Variants in VPS54 observed in about 807,000 individuals in gnomAD.
The protein encoded by VPS54 is vacuolar protein sorting-associated protein 54.
A neutral mutation model predicts 121.5 loss-of-function variants in VPS54; 45 were observed. The ratio of observed to expected loss-of-function variants is 0.37; its 90% CI spans 0.29 to 0.47. The LOEUF is 0.47. Ranked by LOEUF, VPS54 falls within the 20% of genes least tolerant of loss-of-function variation. VPS54 has a pLI of 0.99. For synonymous variants in VPS54, 371 were observed against 385.8 expected (o/e 0.96, Z 0.45); for missense variants, 1,090 against 1,131.4 (o/e 0.96, Z 0.52).
chr2:63,993,309 G>A (rs1220588602), intron 1 of VPS54, among the ~76,000 whole-genome samples: 1 of 152,152 alleles, frequency 6.6e-6, no homozygotes, highest in African/African-American at 2.4e-5. Context: ...TTTCTATGCT[G>A]CGGGGAGATT....
chr2:63,900,668 C>A (rs1672641012), intron 20 of VPS54, among the ~76,000 whole-genome samples: 1 of 152,164 alleles, frequency 6.6e-6, no homozygotes, highest in Non-Finnish European at 1.5e-5. Context: ...CCGAGCTGCC[C>A]ACCTGAGGTG....
At position 63,921,199 on chromosome 2, in the gene VPS54, T is replaced by C. The variant is rs907775359; in HGVS notation, c.1869+7A>G. ...TAAAATATATAAAGCTTTATGAAAA[T>C]AGCTACCTTTGCTCTTGACATGAGA... On this transcript the variant is annotated splice_region_variant and intron_variant, in intron 13 of 22. Coordinates refer to ENST00000272322, the MANE Select transcript of VPS54 (RefSeq NM_016516.3). 8.7e-6 allele frequency: 14 copies of C among 1,602,086 alleles called. No homozygotes were observed. In the Middle Eastern group the frequency reaches 9.0e-4, roughly 103 times the overall value.
At position 63,949,067 on chromosome 2, in the gene VPS54, T is replaced by C; in HGVS notation, c.1107A>G (p.Pro369=). ...STYSHSDLNR[P]LEDDCQVLEE... The stretch of plus-strand genomic sequence containing the variant: ...CTAAAACTTGACAGTCATCTTCCAG[T>C]GGTCTATTTAAGTCACTGTGAGAAT... The change falls in exon 8 of 23, where the codon CCA becomes CCG. Residue 369 remains proline, a synonymous_variant. Coordinates refer to ENST00000272322, the MANE Select transcript of VPS54 (RefSeq NM_016516.3). 6.2e-7 allele frequency: 1 copy of C among 1,611,320 alleles called. No individual in the cohort carries two copies.
At chr2:63,908,154 T>C (rs922818120) in intron 20 of VPS54, among the ~76,000 whole-genome samples, 1 of 152,104 alleles carries the variant, frequency 6.6e-6, no homozygotes, top group Non-Finnish European at 1.5e-5. Flanking sequence ...AGCCAAAAAC[T>C]GGAGAAAATT....
chr2:63,948,738 G>A (rs1041178345), intron 8 of VPS54, among the ~76,000 whole-genome samples: 8 of 152,082 alleles, frequency 5.3e-5, no homozygotes, highest in Middle Eastern at 3.4e-3. Flanking sequence ...TCCAGCACTC[G>A]CACACATAAA....
chr2:63,919,617 C>T (rs1263018228), intron 15 of VPS54, among the ~76,000 whole-genome samples: 1 of 152,162 alleles, frequency 6.6e-6, no homozygotes, highest in Non-Finnish European at 1.5e-5. Flanking sequence ...AACAATAGTA[C>T]CTGTATCACA....
Position 63,972,153 on chromosome 2 carries a change from C to T in VPS54, c.457+13G>A. 2 of 1,500,162 alleles carry T rather than the reference C, an allele frequency of 1.3e-6. No homozygotes were observed. The highest frequency in any genetic ancestry group is 9.1e-7 in the Non-Finnish European group (1 of 1,099,092). 92.9% of individuals were successfully genotyped at this position (1,500,162 alleles called of 1,614,324 possible). A position where few individuals can be genotyped will look rare whatever the true frequency, so the allele number is the denominator to read the frequency against. On this transcript the variant is annotated intron_variant, in intron 4 of 22. Coordinates refer to ENST00000272322, the MANE Select transcript of VPS54 (RefSeq NM_016516.3). Reference sequence around the variant, plus strand: ...GCTATGCTTTATTATCTATAAATAACACATATTCATACCATGAGTATGTAA... The same window carrying T: ...GCTATGCTTTATTATCTATAAATAATACATATTCATACCATGAGTATGTAA...
At position 64,019,050 on chromosome 2, in the gene VPS54, G is replaced by GACGGGC. The variant is rs1678853596; in HGVS notation, c.-134_-133insGCCCGT. On this transcript the variant is annotated 5_prime_UTR_variant, in exon 1 of 23. Transcript: ENST00000272322. ...CACGGCCGCCGCCGCCCGGCGCCCG[G>GACGGGC]CCGGGCCCGAGCCCGGGTTCCCGCC... 1 of 149,696 alleles carries GACGGGC rather than the reference G, an allele frequency of 6.7e-6. No individual in the cohort carries two copies. The highest frequency in any genetic ancestry group is 1.5e-5 in the Non-Finnish European group (1 of 67,218). 9.3% of individuals were successfully genotyped at this position (149,696 alleles called of 1,614,324 possible). A position where few individuals can be genotyped will look rare whatever the true frequency, so the allele number is the denominator to read the frequency against.
At chr2:64,003,478 T>C (rs1677978925) in intron 1 of VPS54, among the ~76,000 whole-genome samples, 1 of 152,208 alleles carries the variant, frequency 6.6e-6, no homozygotes, top group South Asian at 2.1e-4. Flanking sequence ...TTGCTTTTCA[T>C]ACAGTTCTTC....
At chr2:63,951,147 A>G (rs1268009433) in intron 7 of VPS54, among the ~76,000 whole-genome samples, 1 of 152,148 alleles carries the variant, frequency 6.6e-6, no homozygotes, top group Non-Finnish European at 1.5e-5. Flanking sequence ...AGGTACTTGC[A>G]AAAAGAAAAG....
At chr2:63,920,019 A>G in intron 14 of VPS54, 24 bp from the exon 15 acceptor site, 1 of 1,580,362 alleles carries the variant, frequency 6.3e-7, no homozygotes, top group African/African-American at 1.4e-5. Flanking sequence ...AGGAGAAAAG[A>G]AGGTAAACTT....
intron 1 of VPS54, among the ~76,000 whole-genome samples, chr2:63,991,456 T>C (rs1435653630): frequency 6.6e-6 from 1 of 152,186 alleles, no homozygotes; most frequent in Non-Finnish European, 1.5e-5. Flanking sequence ...ACAAAGCTAT[T>C]CTGTGGGCAC....
intron 6 of VPS54, among the ~76,000 whole-genome samples, chr2:63,964,481 TTC>T (rs1675900286): frequency 6.6e-6 from 1 of 152,208 alleles, no homozygotes; most frequent in Non-Finnish European, 1.5e-5. Flanking sequence ...TTTGCTGTTT[TTC>T]TCTTTTTAAG....
intron 7 of VPS54, among the ~76,000 whole-genome samples, chr2:63,960,311 CA>C (rs1675698303): frequency 1.3e-5 from 2 of 151,930 alleles, no homozygotes; most frequent in Non-Finnish European, 1.5e-5. Context: ...AAGGTACAAA[CA>C]AAAAAAGTAA....
chr2:63,993,636 G>A (rs141047606), intron 1 of VPS54, among the ~76,000 whole-genome samples: 56 of 152,238 alleles, frequency 3.7e-4, no homozygotes, highest in South Asian at 1.2e-3. Context: ...CCTTTAAATC[G>A]GCTCGAAGTT....
chr2:63,989,959 G>A (rs188587858), intron 1 of VPS54, among the ~76,000 whole-genome samples: 1,873 of 152,318 alleles, frequency 0.012, 17 homozygotes, highest in Non-Finnish European at 0.015. Flanking sequence ...TTCCTGAAAA[G>A]GGAACCATAT....
At position 63,919,889 on chromosome 2, in the gene VPS54, A is replaced by AT. The variant is rs778598752; in HGVS notation, c.2157dup (p.Ser720IlefsTer11). On this transcript the variant is annotated frameshift_variant, in exon 15 of 23. Transcript: ENST00000272322. LOFTEE classifies it high-confidence loss of function. ...TGTGAATGAATACACATACCTCCTG[A>AT]TTTTTTTTCAGGTAAAGCAATCTTC... 1.1e-5 allele frequency: 17 copies of AT among 1,607,644 alleles called. No homozygotes were observed. The highest frequency in any genetic ancestry group is 3.4e-5 in the Admixed American group (2 of 59,480).
At chr2:63,991,727 G>C (rs182811231) in intron 1 of VPS54, among the ~76,000 whole-genome samples, 276 of 152,198 alleles carry the variant, frequency 1.8e-3, no homozygotes, top group Non-Finnish European at 2.7e-3. Context: ...TGGGAAGTGG[G>C]ACCAGTCCCA....
intron 20 of VPS54, among the ~76,000 whole-genome samples, chr2:63,910,626 CA>C (rs1184179852): frequency 6.6e-6 from 1 of 151,786 alleles, no homozygotes; most frequent in Non-Finnish European, 1.5e-5. Context: ...GATAAAATAC[CA>C]TAATGCCTCA....
Sources: allele counts gnomAD v4.1 joint callset (sites outside exome capture counted in the v4.1 genomes callset), GRCh38; gene constraint gnomAD v4.1.1; transcripts MANE v1.5; gene names NCBI Gene and HGNC (gene_info 2026-07-23, HGNC 2026-07-21).